The following DPEP2 variants were observed in gnomAD, a reference collection of about 807,000 sequenced individuals.
DPEP2 encodes the protein dipeptidase 2.
Under a neutral mutation model 51.8 loss-of-function variants are expected in DPEP2, and 45 were observed. The ratio of observed to expected loss-of-function variants is 0.87; its 90% CI spans 0.68 to 1.11. The LOEUF (loss-of-function observed/expected upper bound fraction) is 1.11. DPEP2 is among the 50% of genes most tolerant of loss of function. The pLI is 0.00. For synonymous variants in DPEP2, 255 were observed against 262.7 expected, an observed-to-expected ratio of 0.97 and a Z score of 0.28; for missense variants, 604 against 631.9, an observed-to-expected ratio of 0.96 and a Z score of 0.47.
At chr16:67,999,028 G>T (rs550508854) in intron 1 of DPEP2, among the ~76,000 whole-genome samples, 9 of 152,262 alleles carry the variant, frequency 5.9e-5, no homozygotes, top group African/African-American at 2.2e-4. Flanking sequence ...ATAAAAGCAG[G>T]CTGCCTGAGC....
At chr16:67,988,236 AC>A (rs900085930) in intron 9 of DPEP2, among the ~76,000 whole-genome samples, 18 of 151,972 alleles carry the variant, frequency 1.2e-4, no homozygotes, top group African/African-American at 4.4e-4. Flanking sequence ...GATCCCCCCT[AC>A]CAACCAGAGT....
chr16:68,000,471 G>T (rs2032956166), upstream of DPEP2: 1 of 985,396 alleles, frequency 1.0e-6, no homozygotes, highest in Non-Finnish European at 1.2e-6. Context: ...GTGCCCAGAT[G>T]ATGATCATCT....
At chr16:67,990,461 T>C (rs952537934) in intron 7 of DPEP2, among the ~76,000 whole-genome samples, 1 of 152,132 alleles carries the variant, frequency 6.6e-6, no homozygotes, top group African/African-American at 2.4e-5. Context: ...TGAGGGCTCC[T>C]GTTTTTTGTT....
chr16:67,990,844 G>A lies in DPEP2; in HGVS notation c.886C>T (p.Pro296Ser). The change falls in exon 7 of 11, where the codon CCT becomes TCT. Residue 296 changes from proline (P) to serine (S), a missense_variant. By Grantham distance (74) the Pro-to-Ser change is moderately conservative. Coordinates refer to ENST00000393847, the MANE Select transcript of DPEP2 (RefSeq NM_022355.4). ...ACCAGAAGCTGCAGGATGTCATCAG[G>A]AACATTCCGAGCACTGTTGCACACA... ...RGVCNSARNVPDDILQLLKKN... is the reference protein window; with the variant it reads ...RGVCNSARNVSDDILQLLKKN... The A allele has an allele frequency of 1.9e-6, 3 of 1,613,912 alleles. No individual in the cohort carries two copies. The highest frequency in any genetic ancestry group is 2.5e-6 in the Non-Finnish European group (3 of 1,179,870).
At chr16:67,993,776 G>A (rs964084830) in intron 1 of DPEP2, 23 of 985,690 alleles carry the variant, frequency 2.3e-5, no homozygotes, top group Admixed American at 6.2e-5. Context: ...GTGGGTGGGT[G>A]TGGGGGAGAA....
chr16:67,993,468 ATC>A, intron 1 of DPEP2: 2 of 1,239,546 alleles, frequency 1.6e-6, no homozygotes, highest in African/African-American at 3.1e-5. Flanking sequence ...GGCTGGGCGG[ATC>A]CCTGTCCTGG....
chr16:67,993,883 G>A (rs1308188701), intron 1 of DPEP2: 2 of 985,408 alleles, frequency 2.0e-6, no homozygotes, highest in Non-Finnish European at 2.4e-6. Context: ...AGGCCCTCAA[G>A]CCTATACTCT....
upstream of DPEP2, chr16:67,999,536 G>A (rs562413618): frequency 1.0e-6 from 1 of 985,416 alleles, no homozygotes; most frequent in Non-Finnish European, 1.2e-6. Context: ...GGTGAGGTTA[G>A]GGGGAGGATA....
chr16:67,990,671 C>A, intron 7 of DPEP2, 150 bp downstream of exon 7: 2 of 830,586 alleles, frequency 2.4e-6, no homozygotes, highest in Admixed American at 4.9e-5. Context: ...CCCATGTTGG[C>A]CAGGCTGGTC....
chr16:67,994,277 C>A, intron 1 of DPEP2: 1 of 985,572 alleles, frequency 1.0e-6, no homozygotes, highest in Non-Finnish European at 1.2e-6. Context: ...CACCTGGGTT[C>A]TGCAGCCACA....
rs1185104174 is a variant in DPEP2 at position 67,987,505 on chromosome 16, A to G, written c.*1T>C. The G allele has an allele frequency of 6.2e-7, 1 of 1,606,038 alleles. No individual in the cohort carries two copies. Among genetic ancestry groups the G allele is most frequent in the Non-Finnish European group, 8.5e-7 (1 of 1,173,268 alleles). On this transcript the variant is annotated 3_prime_UTR_variant, in exon 11 of 11. Coordinates refer to ENST00000393847, the MANE Select transcript of DPEP2 (RefSeq NM_022355.4). ...GACATCTGGCAGGACTAACTGGGTC[A>G]TCAGAGCCACAGAATAAGGACTGGG...
At chr16:67,993,988 T>G in intron 1 of DPEP2, 4 of 985,230 alleles carry the variant, frequency 4.1e-6, no homozygotes, top group Non-Finnish European at 4.8e-6. Context: ...AAGAGCTCCT[T>G]CCTAAGGAGC....
Position 67,987,528 on chromosome 16 carries a change from G to A in DPEP2, c.1439C>T (p.Pro480Leu). ...APVLAVVATF[P>L]VLILWL The stretch of plus-strand genomic sequence containing the variant: ...TCATCAGAGCCACAGAATAAGGACT[G>A]GGAAGGTGGCCACAACTGCAAGGAC... Residue 480 changes from proline (P) to leucine (L), a missense_variant, in exon 11 of 11, where the codon CCA (proline) becomes CTA (leucine). Coordinates refer to ENST00000393847, the MANE Select transcript of DPEP2 (RefSeq NM_022355.4). 6.2e-7 allele frequency: 1 copy of A among 1,613,886 alleles called. No individual in the cohort carries two copies. Among genetic ancestry groups the A allele is most frequent in the Non-Finnish European group, 8.5e-7 (1 of 1,179,790 alleles).
At chr16:67,994,826 G>C (rs1343924648) in intron 1 of DPEP2, 12 of 985,460 alleles carry the variant, frequency 1.2e-5, no homozygotes, top group Non-Finnish European at 1.3e-5. Context: ...AGTGTCTGCT[G>C]TCCAGGAGGA....
intron 1 of DPEP2, among the ~76,000 whole-genome samples, chr16:67,995,610 G>C (rs1201287249): frequency 6.6e-6 from 1 of 152,208 alleles, no homozygotes; most frequent in Admixed American, 6.5e-5. Context: ...AGAGCCCCAA[G>C]AGGTAAGGGG....
chr16:67,991,925 G>T lies in DPEP2; in HGVS notation c.575C>A (p.Ser192Ter). The T allele has an allele frequency of 6.2e-7, 1 of 1,614,132 alleles. No individual in the cohort carries two copies. Among genetic ancestry groups the T allele is most frequent in the Non-Finnish European group, 8.5e-7 (1 of 1,180,026 alleles). Residue 192 changes from serine (S) to a stop codon, truncating the protein, a stop_gained, in exon 5 of 11, where the codon TCG becomes TAG. Transcript: ENST00000393847. LOFTEE classifies it high-confidence loss of function. This position sits in a 1 kb window ranked among gnomAD's most constrained non-coding sequence, Gnocchi z 5.1. ...TAAGATGGAGAGGCTATTGTCCAGC[G>T]AGTGGCCACCCTCTACACCGATGAG... ...ACLIGVEGGH[S>*]LDNSLSILRT...
Position 67,993,277 on chromosome 16 carries a change from G to T in DPEP2, c.-45-20C>A. ...GAGAGCCTGAGAGGGGCGGGCGAGGGGCAGAGCGCGACGATGGAGTCCCGA... is the reference window on the plus strand; with the variant it reads ...GAGAGCCTGAGAGGGGCGGGCGAGGTGCAGAGCGCGACGATGGAGTCCCGA... On this transcript the variant is annotated intron_variant, in intron 1 of 10. Transcript: ENST00000393847. 7.2e-7 allele frequency: 1 copy of T among 1,381,240 alleles called. No homozygotes were observed. Among genetic ancestry groups the T allele is most frequent in the Non-Finnish European group, 9.4e-7 (1 of 1,066,728 alleles). The allele number at this position is 1,381,240 out of a possible 1,614,324, so 85.6% of individuals were successfully genotyped here.
At chr16:67,992,824 A>C (rs999073902) in intron 2 of DPEP2, 126 bp downstream of exon 2, 1 of 1,480,852 alleles carries the variant, frequency 6.8e-7, no homozygotes, top group Non-Finnish European at 9.0e-7. Flanking sequence ...GTACCCATGC[A>C]TGACGGGAGA....
In DPEP2 at chr16:67,991,705, G is replaced by T; in HGVS notation, c.662+133C>A. ...GGGTCAAGTCGTATTCTGAAAACCA[G>T]AATCCCAGCTCCCCTCCCCACTCCA... On this transcript the variant is annotated intron_variant, in intron 5 of 10. Transcript: ENST00000393847. The surrounding 1 kb of genome is among the most constrained non-coding windows in gnomAD (Gnocchi z 5.1). The T allele has an allele frequency of 7.4e-7, 1 of 1,347,716 alleles. No homozygotes were observed. Among genetic ancestry groups the T allele is most frequent in the Non-Finnish European group, 9.9e-7 (1 of 1,007,228 alleles). 83.5% of individuals were successfully genotyped at this position (1,347,716 alleles called of 1,614,324 possible).
Sources: gnomAD v4.1 joint callset for allele counts (sites outside exome capture counted in the v4.1 genomes callset) on GRCh38, gnomAD v4.1.1 for gene constraint, Gnocchi (gnomAD v3.1) non-coding constraint, MANE v1.5 for transcripts, NCBI Gene and HGNC (gene_info 2026-07-23, HGNC 2026-07-21) for gene names.